Variants in AZGP1 observed in about 807,000 individuals in gnomAD.
AZGP1 encodes the protein zinc-alpha-2-glycoprotein.
In AZGP1, 28 loss-of-function variants were observed where a neutral mutation model predicts 31.5. The observed-to-expected ratio is 0.89, with a 90% CI of 0.66 to 1.22. AZGP1 has a LOEUF of 1.22. Among genes scored for constraint, AZGP1 ranks in the 50% most tolerant of loss-of-function variants. The pLI is 0.00. For missense variants in AZGP1, 361 were observed against 371.8 expected (o/e 0.97, Z 0.24); for synonymous variants, 135 against 145.4 (o/e 0.93, Z 0.51).
intron 1 of AZGP1, among the ~76,000 whole-genome samples, chr7:99,974,469 C>T (rs1455838403): frequency 6.6e-6 from 1 of 151,304 alleles, no homozygotes; most frequent in African/African-American, 2.4e-5. Context: ...TGCCTGTAGT[C>T]CTAGCTACTC....
intron 1 of AZGP1, among the ~76,000 whole-genome samples, chr7:99,972,396 G>A (rs865863875): frequency 3.3e-5 from 5 of 152,144 alleles, no homozygotes; most frequent in African/African-American, 7.2e-5. Context: ...TAGAGGTGAC[G>A]ACTTTGAAGG....
chr7:99,967,752 C>G (rs2115674996), intron 3 of AZGP1: 1 of 463,824 alleles, frequency 2.2e-6, no homozygotes. Context: ...ACACGCCTCC[C>G]TTCTCTCCAC....
intron 1 of AZGP1, 90 bp from the exon 2 acceptor site, chr7:99,972,096 C>T: frequency 1.4e-6 from 2 of 1,415,804 alleles, no homozygotes; most frequent in Non-Finnish European, 1.9e-6. Context: ...CTGCCACTGG[C>T]CTTTTCTTCC....
intron 2 of AZGP1, among the ~76,000 whole-genome samples, chr7:99,969,495 C>A (rs1197639256): frequency 6.6e-6 from 1 of 151,634 alleles, no homozygotes; most frequent in Non-Finnish European, 1.5e-5. Context: ...CAGGAGAATC[C>A]CTTGAACCCA....
At position 99,971,806 on chromosome 7, in the gene AZGP1, T is replaced by C. The variant is rs150347288; in HGVS notation, c.277A>G (p.Arg93Gly). 5 of 1,614,094 alleles carry C rather than the reference T, an allele frequency of 3.1e-6. No homozygotes were observed. Among genetic ancestry groups the C allele is most frequent in the Non-Finnish European group, 2.5e-6 (3 of 1,179,978 alleles). The part of the protein sequence containing the change: ...WKQDSQLQKA[R>G]EDIFMETLKD... Reference sequence around the variant, plus strand: ...AGGGTCTCCATAAAGATGTCCTCCCTGGCCTTCTGAAGTTGGCTGTCCTGC... The same window carrying C: ...AGGGTCTCCATAAAGATGTCCTCCCCGGCCTTCTGAAGTTGGCTGTCCTGC... Residue 93 changes from arginine to glycine, a missense_variant, in exon 2 of 4, where the codon AGG becomes GGG. Physicochemically the swap from Arg to Gly is moderately radical, Grantham distance 125. Coordinates refer to ENST00000292401, the MANE Select transcript of AZGP1 (RefSeq NM_001185.4).
chr7:99,968,682 C>T, intron 2 of AZGP1: 1 of 514,738 alleles, frequency 1.9e-6, no homozygotes, highest in South Asian at 2.5e-5. Flanking sequence ...AGAGCTACAG[C>T]CTGGGCGCTG....
At position 99,966,730 on chromosome 7, in the gene AZGP1, T is replaced by C; in HGVS notation, c.*273A>G. On this transcript the variant is annotated 3_prime_UTR_variant, in exon 4 of 4. Transcript: ENST00000292401. ...CCGTTAAAAAAAGGATTCTCTGTTA[T>C]GCTAGGCAAGGAGGGATGATTATTT... 1 of 533,520 alleles carries C rather than the reference T, an allele frequency of 1.9e-6. No homozygotes were observed. The highest frequency in any genetic ancestry group is 3.3e-6 in the Non-Finnish European group (1 of 303,628). 33.0% of individuals were successfully genotyped at this position (533,520 alleles called of 1,614,324 possible). A position where few individuals can be genotyped will look rare whatever the true frequency, so the allele number is the denominator to read the frequency against.
chr7:99,973,073 T>A (rs1210926008), intron 1 of AZGP1, among the ~76,000 whole-genome samples: 1 of 151,326 alleles, frequency 6.6e-6, no homozygotes, highest in African/African-American at 2.4e-5. Flanking sequence ...GCTGAGATCA[T>A]GCCACTGCAC....
At position 99,967,939 on chromosome 7, in the gene AZGP1, C is replaced by A. The variant is rs955336283; in HGVS notation, c.613+216G>T. The stretch of plus-strand genomic sequence containing the variant: ...GGGGACACTCATCAAGAAAGAATGG[C>A]CTTCCTGGCCCATTCTGCCTGAAAT... On this transcript the variant is annotated intron_variant, in intron 3 of 3. Transcript: ENST00000292401. The A allele has an allele frequency of 8.8e-6, 6 of 680,634 alleles. No homozygotes were observed. The Admixed American group carries it at 1.1e-4, about 13-fold the overall frequency. 42.2% of individuals were successfully genotyped at this position (680,634 alleles called of 1,614,324 possible).
chr7:99,971,719 C>T (rs1008611674), intron 2 of AZGP1, 27 bp downstream of exon 2: 5 of 1,604,434 alleles, frequency 3.1e-6, no homozygotes, highest in Non-Finnish European at 4.3e-6. Flanking sequence ...TTAGACCTTC[C>T]ACCCCTGTGG....
intron 1 of AZGP1, among the ~76,000 whole-genome samples, chr7:99,973,175 G>A (rs913852849): frequency 3.3e-5 from 5 of 152,212 alleles, no homozygotes; most frequent in East Asian, 1.9e-4. Context: ...GTTAGAAAGG[G>A]TAGAAAGGAG....
At chr7:99,967,404 C>G in intron 3 of AZGP1, 118 bp from the exon 4 acceptor site, 1 of 1,185,908 alleles carries the variant, frequency 8.4e-7, no homozygotes, top group East Asian at 2.5e-5. Flanking sequence ...TCTGTACCTG[C>G]CCACCCCCAG....
At chr7:99,974,896 C>T (rs1789633295) in intron 1 of AZGP1, among the ~76,000 whole-genome samples, 1 of 152,032 alleles carries the variant, frequency 6.6e-6, no homozygotes, top group Non-Finnish European at 1.5e-5. Flanking sequence ...AGAGAAAAAG[C>T]CTCAGATGTC....
In AZGP1 at chr7:99,975,948, C is replaced by A. The variant is rs745828612; in HGVS notation, c.73G>T (p.Asp25Tyr). The change falls in exon 1 of 4, where the codon GAT becomes TAT. Residue 25 changes from aspartate to tyrosine, a missense_variant. Asp to Tyr is a radical substitution (Grantham distance 160, BLOSUM62 -3). Coordinates refer to ENST00000292401, the MANE Select transcript of AZGP1 (RefSeq NM_001185.4). ...LGPAVPQENQ[D>Y]GRYSLTYIYT... ...ATCCCTTGCTTTCCCCACTCACCAT[C>A]TTGGTTCTCCTGGGGGACAGCAGGA... The A allele has an allele frequency of 1.2e-6, 2 of 1,614,140 alleles. No homozygotes were observed. The highest frequency in any genetic ancestry group is 1.7e-6 in the Non-Finnish European group (2 of 1,180,024).
chr7:99,975,152 G>A (rs570638758), intron 1 of AZGP1, among the ~76,000 whole-genome samples: 8 of 152,022 alleles, frequency 5.3e-5, no homozygotes, highest in East Asian at 3.9e-4. Context: ...GTATGTGTAC[G>A]TACATATATA....
At chr7:99,968,067 A>G in intron 3 of AZGP1, 88 bp downstream of exon 3, 2 of 1,525,424 alleles carry the variant, frequency 1.3e-6, no homozygotes, top group East Asian at 4.5e-5. Context: ...GGAACAGATG[A>G]GACCGGACTA....
rs1159454385 is a variant in AZGP1 at position 99,967,267 on chromosome 7, G to C, written c.633C>G (p.Val211=). The C allele has an allele frequency of 6.2e-7, 1 of 1,612,426 alleles. No individual in the cohort carries two copies. Among genetic ancestry groups the C allele is most frequent in the Non-Finnish European group, 8.5e-7 (1 of 1,179,490 alleles). ...TTTCTCCTGGGGCCTGGTGGCTGGTGACCACCACAGAGGGAGGATCTGTGG... is the reference window on the plus strand; with the variant it reads ...TTTCTCCTGGGGCCTGGTGGCTGGTCACCACCACAGAGGGAGGATCTGTGG... ...LDRQDPPSVV[V]TSHQAPGEKK... Residue 211 remains valine (V), a synonymous_variant, in exon 4 of 4, where the codon GTC becomes GTG. Transcript: ENST00000292401.
Position 99,975,094 on chromosome 7 carries a change from A to G in AZGP1, c.76+851T>C, listed in dbSNP as rs1022228226. 3.6e-4 allele frequency among the ~76,000 whole-genome samples: 54 copies of G among 151,990 alleles called. 1 individual carries two copies. The highest frequency in any genetic ancestry group is 7.4e-5 in the Non-Finnish European group (5 of 67,982). ...TCTCTCTTTTGTATACATATATGTA[A>G]ATCTCTTCCTATGTGTGTGTGTATC... is the stretch of plus-strand genomic sequence containing the variant. On this transcript the variant is annotated intron_variant, in intron 1 of 3. Coordinates refer to ENST00000292401, the MANE Select transcript of AZGP1 (RefSeq NM_001185.4).
chr7:99,972,190 T>C (rs183172002), intron 1 of AZGP1, among the ~76,000 whole-genome samples, 184 bp from the exon 2 acceptor site: 1 of 152,304 alleles, frequency 6.6e-6, no homozygotes, highest in Non-Finnish European at 1.5e-5. Context: ...TGAGATGATA[T>C]TTCAGAGACC....
Sources: allele counts gnomAD v4.1 joint callset (sites outside exome capture counted in the v4.1 genomes callset), GRCh38; gene constraint gnomAD v4.1.1; transcripts MANE v1.5; gene names NCBI Gene and HGNC (gene_info 2026-07-23, HGNC 2026-07-21).